The following PYGB variants were observed in gnomAD, a reference collection of about 807,000 sequenced individuals.
PYGB encodes glycogen phosphorylase B, also known as glycogen phosphorylase, brain form.
PYGB carries 82 observed loss-of-function variants against 94.3 expected under a neutral mutation model. The ratio of observed to expected loss-of-function variants is 0.87; its 90% CI spans 0.73 to 1.04. The LOEUF (loss-of-function observed/expected upper bound fraction) is 1.04, where lower values mean the gene tolerates loss of function less well. Ranked by LOEUF, PYGB falls within the 50% of genes least tolerant of loss-of-function variation. The probability of loss-of-function intolerance (pLI) is 0.00; values close to 1 mark genes in which losing one functional copy is unlikely to be tolerated. For missense variants in PYGB, 1,132 were observed against 1,158.2 expected (o/e 0.98, Z 0.33); for synonymous variants, 488 against 479.1 (o/e 1.02, Z -0.24).
rs534373829 is a variant in PYGB, at chr20:25,281,372, C to T, written c.1403+260C>T. On this transcript the variant is annotated intron_variant, in intron 11 of 19. Coordinates refer to ENST00000216962, the MANE Select transcript of PYGB (RefSeq NM_002862.4). ...GGGGAGACGGCTTTGTCTCCTGTTG[C>T]TCTCCTGCGCCCCTGCCTTCCTGGG... 3.9e-5 allele frequency among the ~76,000 whole-genome samples: 6 copies of T among 152,350 alleles called. No homozygotes were observed. In the East Asian group the frequency reaches 1.2e-3, roughly 29 times the overall value.
intron 11 of PYGB, among the ~76,000 whole-genome samples, chr20:25,281,638 C>T (rs555218951): frequency 6.6e-5 from 10 of 152,206 alleles, no homozygotes; most frequent in Admixed American, 3.9e-4. Flanking sequence ...CTGTGCGTGG[C>T]GCCCGCAGCA....
chr20:25,248,495 T>A, intron 1 of PYGB, 74 bp downstream of exon 1: 4 of 1,286,892 alleles, frequency 3.1e-6, no homozygotes, highest in Non-Finnish European at 3.9e-6. Flanking sequence ...CCAGCGGGGG[T>A]CTCTGCGGGG....
intron 3 of PYGB, among the ~76,000 whole-genome samples, chr20:25,271,093 G>A (rs1568688973): frequency 6.7e-6 from 1 of 149,644 alleles, no homozygotes; most frequent in Non-Finnish European, 1.5e-5. Context: ...TCTGAGAGTG[G>A]GGCAGTGGGG....
Position 25,248,098 on chromosome 20 carries a change from C to A in PYGB, c.-81C>A. Reference sequence around the variant, plus strand: ...GTGCCGGGCGCCAGAGCAGCGGCGCCAGAGCAGCTGCACCATCCCGGCGTT... The same window carrying A: ...GTGCCGGGCGCCAGAGCAGCGGCGCAAGAGCAGCTGCACCATCCCGGCGTT... On this transcript the variant is annotated 5_prime_UTR_variant, in exon 1 of 20. Coordinates refer to ENST00000216962, the MANE Select transcript of PYGB (RefSeq NM_002862.4). 1 of 1,407,110 alleles carries A rather than the reference C, an allele frequency of 7.1e-7. No individual in the cohort carries two copies. Among genetic ancestry groups the A allele is most frequent in the Non-Finnish European group, 9.3e-7 (1 of 1,077,034 alleles). 87.2% of individuals were successfully genotyped at this position (1,407,110 alleles called of 1,614,324 possible).
chr20:25,283,304 G>A (rs183301973), intron 13 of PYGB, 27 bp downstream of exon 13: 19 of 1,579,452 alleles, frequency 1.2e-5, no homozygotes, highest in African/African-American at 1.1e-4. Flanking sequence ...CCCCAGCCCC[G>A]ACCCCAGCCC....
chr20:25,249,314 A>G (rs1463712221), intron 1 of PYGB, among the ~76,000 whole-genome samples: 1 of 152,192 alleles, frequency 6.6e-6, no homozygotes, highest in East Asian at 1.9e-4. Context: ...AATGGATAGG[A>G]TGGTAGTTTT....
chr20:25,259,677 A>G (rs918907075), intron 2 of PYGB, among the ~76,000 whole-genome samples: 2 of 152,144 alleles, frequency 1.3e-5, no homozygotes, highest in Non-Finnish European at 2.9e-5. Context: ...GACTTCATCA[A>G]ACTGCTAACC....
Position 25,292,620 on chromosome 20 carries a change from GCCTGTGCC to G in PYGB, c.2177+12_2177+19del. 1.9e-6 allele frequency: 3 copies of G among 1,608,964 alleles called. No individual in the cohort carries two copies. Among genetic ancestry groups the G allele is most frequent in the Non-Finnish European group, 1.7e-6 (2 of 1,178,790 alleles). ...AGGCCTTGGACCGGAAAGGGTGCGA[GCCTGTGCC>G]CCTGGGCACCTGGCACCGTGAGGAT... On this transcript the variant is annotated splice_region_variant and intron_variant, in intron 17 of 19. Coordinates refer to ENST00000216962, the MANE Select transcript of PYGB (RefSeq NM_002862.4).
chr20:25,254,965 G>T (rs1458943661), intron 1 of PYGB, among the ~76,000 whole-genome samples: 6 of 152,192 alleles, frequency 3.9e-5, no homozygotes, highest in African/African-American at 1.4e-4. Flanking sequence ...TCAAAATTGA[G>T]CAAACAGACC....
intron 14 of PYGB, chr20:25,285,439 GC>G (rs2123585629): frequency 6.6e-6 from 1 of 152,054 alleles, no homozygotes; most frequent in South Asian, 2.1e-4. Context: ...TTTAGTGTTG[GC>G]CTTCAGGCTT....
intron 10 of PYGB, among the ~76,000 whole-genome samples, 154 bp from the exon 11 acceptor site, chr20:25,280,795 C>T (rs1301420251): frequency 1.3e-5 from 2 of 152,150 alleles, no homozygotes; most frequent in East Asian, 1.9e-4. Context: ...TCTGGGAGCA[C>T]TTGAGGGAGG....
intron 1 of PYGB, among the ~76,000 whole-genome samples, chr20:25,255,865 G>C (rs8125980): frequency 0.065 from 9,842 of 151,986 alleles, 978 homozygotes; most frequent in African/African-American, 0.22. Context: ...TTCCGAATAG[G>C]TGGGATTACA....
intron 8 of PYGB, 139 bp from the exon 9 acceptor site, chr20:25,278,918 A>T (rs1209224868): frequency 7.8e-6 from 5 of 640,512 alleles, no homozygotes; most frequent in Admixed American, 3.4e-5. Flanking sequence ...CCTCCACAGA[A>T]CCCCTCCCTG....
At chr20:25,259,142 A>C (rs1248062829) in intron 1 of PYGB, 95 bp from the exon 2 acceptor site, 2 of 1,105,612 alleles carry the variant, frequency 1.8e-6, no homozygotes, top group Non-Finnish European at 2.7e-6. Flanking sequence ...TGAAATCCCG[A>C]GTGGGGGCTT....
At chr20:25,292,646 G>T (rs375442075) in intron 17 of PYGB, 33 bp downstream of exon 17, 9 of 1,598,890 alleles carry the variant, frequency 5.6e-6, no homozygotes, top group Non-Finnish European at 8.5e-7. Flanking sequence ...ACCTGGCACC[G>T]TGAGGATGGA....
chr20:25,294,888 A>T, intron 18 of PYGB: 2 of 1,475,968 alleles, frequency 1.4e-6, no homozygotes, highest in Non-Finnish European at 1.9e-6. Context: ...CTGGGAATTC[A>T]CCTGCCCTCC....
chr20:25,269,646 C>A (rs910453877), intron 3 of PYGB, among the ~76,000 whole-genome samples: 1 of 152,204 alleles, frequency 6.6e-6, no homozygotes, highest in East Asian at 1.9e-4. Flanking sequence ...CTCCACCTCC[C>A]GGCCTTTGTG....
intron 17 of PYGB, 90 bp from the exon 18 acceptor site, chr20:25,294,068 C>T (rs2088501282): frequency 1.3e-6 from 2 of 1,537,498 alleles, no homozygotes; most frequent in Non-Finnish European, 8.8e-7. Flanking sequence ...CATCCTGGGG[C>T]AGGGGCTGTG....
At position 25,248,388 on chromosome 20, in the gene PYGB, C is replaced by T. The variant is rs1327445554; in HGVS notation, c.210C>T (p.Arg70=). ...VRDHLVGRWI[R]TQQHYYERDP... ...ACCACCTCGTGGGCCGCTGGATCCG[C>T]ACGCAGCAGCACTACTACGAGCGCG... The change falls in exon 1 of 20, where the codon CGC becomes CGT. Residue 70 remains arginine, a synonymous_variant. Transcript: ENST00000216962. 1.1e-5 allele frequency: 18 copies of T among 1,581,758 alleles called. No individual in the cohort carries two copies. The highest frequency in any genetic ancestry group is 1.7e-4 in the Middle Eastern group (1 of 5,960).
Sources: gnomAD v4.1 joint callset for allele counts (sites outside exome capture counted in the v4.1 genomes callset) on GRCh38, gnomAD v4.1.1 for gene constraint, MANE v1.5 for transcripts, NCBI Gene and HGNC (gene_info 2026-07-23, HGNC 2026-07-21) for gene names.